PRR5: variants seen among roughly 807,000 people sequenced by gnomAD.
PRR5 encodes proline-rich protein 5.
PRR5 carries 25 observed loss-of-function variants against 30.6 expected under a neutral mutation model. That is an observed-to-expected ratio of 0.82 (90% CI 0.60 to 1.14). The LOEUF is 1.14. Among genes scored for constraint, PRR5 ranks in the 50% most tolerant of loss-of-function variants. The pLI, the probability that PRR5 is intolerant of heterozygous loss-of-function variation, is 0.00. For synonymous variants in PRR5, 286 were observed against 247.1 expected (o/e 1.16, Z -1.48); for missense variants, 600 against 547.1 (o/e 1.10, Z -0.96).
chr22:44,711,018 C>A (rs1928137753), intron 1 of PRR5, among the ~76,000 whole-genome samples: 1 of 152,060 alleles, frequency 6.6e-6, no homozygotes, highest in South Asian at 2.1e-4. Flanking sequence ...AGTTACCCAG[C>A]CCAGAAGTGT....
At chr22:44,680,796 A>G (rs984366971) in intron 1 of PRR5, among the ~76,000 whole-genome samples, 1 of 152,198 alleles carries the variant, frequency 6.6e-6, no homozygotes, top group Non-Finnish European at 1.5e-5. Flanking sequence ...AGAGGCTCAG[A>G]GTCCCCAAGA....
In PRR5 at chr22:44,682,910, G is replaced by A. The variant is rs1459203897; in HGVS notation, c.-11+5670G>A. 3.0e-4 allele frequency among the ~76,000 whole-genome samples: 46 copies of A among 152,194 alleles called. 1 individual carries two copies. The highest frequency in any genetic ancestry group is 2.9e-3 in the Admixed American group (45 of 15,276). Reference sequence around the variant, plus strand: ...TCTAAACGCAGATGTGTGTGTGGTGGGGCAGGGCTACAGAGAAGACTTTGG... The same window carrying A: ...TCTAAACGCAGATGTGTGTGTGGTGAGGCAGGGCTACAGAGAAGACTTTGG... On this transcript the variant is annotated intron_variant, in intron 1 of 8. Coordinates refer to the PRR5 transcript ENST00000006251.
At chr22:44,731,935 G>T in intron 5 of PRR5, 114 bp downstream of exon 5, 1 of 951,422 alleles carries the variant, frequency 1.1e-6, no homozygotes, top group Non-Finnish European at 1.5e-6. Context: ...GCTCTGCTCT[G>T]TGCTGCTCTC....
In PRR5 at chr22:44,732,332, C is replaced by G. The variant is rs762940353; in HGVS notation, c.496C>G (p.Leu166Val). ...CCTCAGTGTGAAGCTAGAGGATGCG[C>G]TGGCCCGGGCCCATGCCCGTGTGCC... ...ITLSVKLEDA[L>V]ARAHARVPPA... Residue 166 changes from leucine (L) to valine (V), a missense_variant, in exon 6 of 8, where the codon CTG becomes GTG. Physicochemically the swap from Leu to Val is conservative, Grantham distance 32 (BLOSUM62 1). Coordinates refer to ENST00000336985, the MANE Select transcript of PRR5 (RefSeq NM_181333.4). The G allele has an allele frequency of 6.2e-7, 1 of 1,612,262 alleles. No individual in the cohort carries two copies. Among genetic ancestry groups the G allele is most frequent in the Non-Finnish European group, 8.5e-7 (1 of 1,179,950 alleles).
rs6006864 is a variant in PRR5, at chr22:44,736,824, T to C, written c.744T>C (p.Pro248=). 0.036 allele frequency: 57,266 copies of C among 1,591,010 alleles called. 1,533 individuals carry two copies. The highest frequency in any genetic ancestry group is 0.1 in the Admixed American group (6,178 of 59,142). The change falls in exon 8 of 8, where the codon CCT becomes CCC. Residue 248 remains proline (P), a synonymous_variant. Transcript: ENST00000336985. ...SRSGDVLAKN[P]VVRSKSYNTP... is the part of the protein sequence containing the mutation. Reference sequence around the variant, plus strand: ...CGGGGGACGTGCTGGCCAAGAACCCTGTGGTGCGCTCCAAGAGCTACAACA... The same window carrying C: ...CGGGGGACGTGCTGGCCAAGAACCCCGTGGTGCGCTCCAAGAGCTACAACA...
rs1226188714 is a variant in PRR5, at chr22:44,702,302, ACCCGAGACGGAGGCGCGGGG to A, written c.-170_-151del. The A allele has an allele frequency of 1.1e-5, 13 of 1,146,394 alleles. 1 individual carries two copies. In the South Asian group the frequency reaches 3.9e-4, roughly 34 times the overall value. 71.0% of individuals were successfully genotyped at this position (1,146,394 alleles called of 1,614,324 possible). ...AACCCGGCGGGGCGGCCGGCGCGGG[ACCCGAGACGGAGGCGCGGGG>A]CCGGGGCGGGACCCCGCAGGACCGC... On this transcript the variant is annotated 5_prime_UTR_variant, in exon 1 of 8. An upstream open reading frame in the 5' UTR loses its in-frame stop. Transcript: ENST00000336985.
At chr22:44,732,134 G>T (rs563583091) in intron 5 of PRR5, 117 bp from the exon 6 acceptor site, 3 of 1,503,400 alleles carry the variant, frequency 2.0e-6, no homozygotes, top group East Asian at 4.6e-5. Context: ...GGAGAACGGG[G>T]TGGAGGGGCC....
intron 1 of PRR5, among the ~76,000 whole-genome samples, chr22:44,706,173 T>C (rs1261436223): frequency 6.6e-6 from 1 of 152,184 alleles, no homozygotes; most frequent in Non-Finnish European, 1.5e-5. Flanking sequence ...CATCTCCAGG[T>C]CCTTAATTAA....
rs367561427 is a variant in PRR5, at chr22:44,695,765, A to AT, written c.-10-6720dup. Among the ~76,000 whole-genome samples the AT allele has an allele frequency of 8.6e-4, 130 of 151,168 alleles. 1 individual carries two copies. The highest frequency in any genetic ancestry group is 3.0e-3 in the African/African-American group (125 of 41,216). ...AGATGCACACCAACATGCCCAGCTA[A>AT]TTTTTTTGTATTTTTAGTAGAGACA... On this transcript the variant is annotated intron_variant, in intron 1 of 8. Transcript: ENST00000006251.
At chr22:44,699,494 C>A (rs1447262966), upstream of PRR5, among the ~76,000 whole-genome samples, 1 of 152,270 alleles carries the variant, frequency 6.6e-6, no homozygotes, top group Non-Finnish European at 1.5e-5. Context: ...ATCTGTCCAG[C>A]CTGGGCACTT....
In PRR5 at chr22:44,737,233, CAG is replaced by C. The variant is rs1569118465; in HGVS notation, c.1156_1157del (p.Ser386CysfsTer10). The C allele has an allele frequency of 6.2e-7, 1 of 1,602,378 alleles. No homozygotes were observed. The highest frequency in any genetic ancestry group is 8.5e-7 in the Non-Finnish European group (1 of 1,172,140). ...CGACTTGGAGGGCTCTGGGGGCCGG[CAG>C]AGTGTCGTGTGAGGCCTCACAGCTG... ...MSDLEGSGGR[Q>X]SVV On this transcript the variant is annotated frameshift_variant, in exon 8 of 8. Transcript: ENST00000336985. LOFTEE classifies it high-confidence loss of function.
intron 1 of PRR5, among the ~76,000 whole-genome samples, chr22:44,685,170 G>C (rs1055219026): frequency 1.3e-5 from 2 of 152,182 alleles, no homozygotes; most frequent in African/African-American, 4.8e-5. Flanking sequence ...CCAGGTCGGA[G>C]GGTAGATGGG....
chr22:44,670,300 C>G (rs898567005), intron 1 of PRR5, among the ~76,000 whole-genome samples: 2 of 152,190 alleles, frequency 1.3e-5, no homozygotes, highest in African/African-American at 4.8e-5. Context: ...CCTTTCCTGC[C>G]AAACAGTCTG....
At chr22:44,729,358 G>A (rs1051094588) in intron 4 of PRR5, 23 of 985,102 alleles carry the variant, frequency 2.3e-5, no homozygotes, top group African/African-American at 3.5e-5. Context: ...AAGGAAAGAC[G>A]GACACCAGCC....
intron 2 of PRR5, among the ~76,000 whole-genome samples, chr22:44,724,168 G>T (rs558010905): frequency 1.3e-5 from 2 of 152,304 alleles, no homozygotes; most frequent in African/African-American, 4.8e-5. Flanking sequence ...GGGTGTGGTG[G>T]CTCATACCTG....
chr22:44,679,778 G>C (rs771664087), intron 1 of PRR5: 7 of 1,578,176 alleles, frequency 4.4e-6, no homozygotes, highest in African/African-American at 1.3e-5. Flanking sequence ...GATGGGGCAG[G>C]CTGGTCAGAA....
At chr22:44,692,933 C>T (rs1051795337) in intron 1 of PRR5, among the ~76,000 whole-genome samples, 2 of 152,184 alleles carry the variant, frequency 1.3e-5, no homozygotes, top group African/African-American at 4.8e-5. Flanking sequence ...GCAGAGGTTA[C>T]TCCTCCTGGC....
chr22:44,728,914 C>A (rs1054231318), intron 4 of PRR5, among the ~76,000 whole-genome samples: 1 of 152,124 alleles, frequency 6.6e-6, no homozygotes, highest in East Asian at 1.9e-4. Context: ...GGAGGAGTGG[C>A]CTTGAGGTGG....
chr22:44,720,885 G>T (rs921195849), intron 2 of PRR5, among the ~76,000 whole-genome samples: 1 of 152,320 alleles, frequency 6.6e-6, no homozygotes, highest in Non-Finnish European at 1.5e-5. Flanking sequence ...CCGGAGAGGT[G>T]GCCAGTGGGT....
Sources: gnomAD v4.1 joint callset for allele counts (sites outside exome capture counted in the v4.1 genomes callset) on GRCh38, gnomAD v4.1.1 for gene constraint, MANE v1.5 for transcripts, NCBI Gene and HGNC (gene_info 2026-07-23, HGNC 2026-07-21) for gene names.